Variants in CACNA1E observed in about 807,000 individuals in gnomAD.
The protein encoded by CACNA1E is calcium voltage-gated channel subunit alpha1 E, also known as voltage-dependent R-type calcium channel subunit alpha-1E.
Under a neutral mutation model 259.2 loss-of-function variants are expected in CACNA1E, and 40 were observed. The ratio of observed to expected loss-of-function variants is 0.15; its 90% CI spans 0.12 to 0.20. The LOEUF (loss-of-function observed/expected upper bound fraction) is 0.20. Among genes scored for constraint, CACNA1E ranks in the 10% least tolerant of loss-of-function variants. The pLI is 1.00. For synonymous variants in CACNA1E, 1,104 were observed against 1,138.5 expected, an observed-to-expected ratio of 0.97 and a Z score of 0.61; for missense variants, 1,874 against 3,040.1, an observed-to-expected ratio of 0.62 and a Z score of 9.02.
chr1:181,705,560 C>T (rs1401431348), intron 7 of CACNA1E, among the ~76,000 whole-genome samples: 1 of 152,208 alleles, frequency 6.6e-6, no homozygotes, highest in South Asian at 2.1e-4. Flanking sequence ...CCATGCTTAA[C>T]TCCAATTCAC....
At position 181,806,785 on chromosome 1, in the gene CACNA1E, T is replaced by C. The variant is rs926427992; in HGVS notation, c.*7951T>C. ...ATAAATAAAACCTTGTTGTAAAGAATGCATCGGCCTGATTTCCCTCACTTG... is the reference window on the plus strand; with the variant it reads ...ATAAATAAAACCTTGTTGTAAAGAACGCATCGGCCTGATTTCCCTCACTTG... On this transcript the variant is annotated 3_prime_UTR_variant, in exon 48 of 48. Coordinates refer to ENST00000367573, the MANE Select transcript of CACNA1E (RefSeq NM_001205293.3). 2 of 152,218 alleles carry C rather than the reference T, an allele frequency of 1.3e-5. No homozygotes were observed. The highest frequency in any genetic ancestry group is 2.9e-5 in the Non-Finnish European group (2 of 68,040). The allele number at this position is 152,218 out of a possible 1,614,324, so 9.4% of individuals were successfully genotyped here.
intron 2 of CACNA1E, among the ~76,000 whole-genome samples, chr1:181,422,935 G>C (rs1658864187): frequency 6.6e-6 from 1 of 151,888 alleles, no homozygotes; most frequent in South Asian, 2.1e-4. Context: ...GTCATCCGTT[G>C]GTCTTAGGAA....
intron 1 of CACNA1E, chr1:181,318,243 T>C (rs978996616): frequency 2.6e-5 from 4 of 151,806 alleles, no homozygotes; most frequent in Admixed American, 6.6e-5. Flanking sequence ...CTTCTACGTG[T>C]TGGGGGGATG....
intron 1 of CACNA1E, among the ~76,000 whole-genome samples, chr1:181,396,727 CAG>C (rs1485894468): frequency 1.3e-5 from 2 of 152,166 alleles, no homozygotes; most frequent in East Asian, 3.8e-4. Flanking sequence ...AACATAGAAA[CAG>C]AGATTCCCTC....
In CACNA1E at chr1:181,635,017, C is replaced by T. The variant is rs556176814; in HGVS notation, c.952-16321C>T. Among the ~76,000 whole-genome samples the T allele has an allele frequency of 8.5e-5, 13 of 152,188 alleles. No homozygotes were observed. In the South Asian group the frequency reaches 2.3e-3, roughly 27 times the overall value. On this transcript the variant is annotated intron_variant, in intron 6 of 47. Transcript: ENST00000367573. ...CAGACTTGGTTATGGTATGACCTGG[C>T]GTTCAGAGGACACACCCCAGCACCT...
chr1:181,732,851 G>T lies in CACNA1E; in HGVS notation c.2765G>T (p.Arg922Leu), dbSNP rs199820931. Residue 922 changes from arginine (R) to leucine (L), a missense_variant, in exon 20 of 48, where the codon CGG becomes CTG. Physicochemically the swap from Arg to Leu is moderately radical, Grantham distance 102. This residue lies in a region of CACNA1E where 476 missense variants were observed against 514.0 expected (regional missense o/e 0.93). Transcript: ENST00000367573. This position sits in a 1 kb window ranked among gnomAD's most constrained non-coding sequence, Gnocchi z 5.5. Reference protein sequence around the residue: ...ARHRQSQRRSRHRRVRTEGKE... With the variant: ...ARHRQSQRRSLHRRVRTEGKE... ...CACAGGCAGAGCCAACGGCGCAGCC[G>T]GCATCGCCGCGTCAGGACAGAAGGC... The T allele has an allele frequency of 3.7e-6, 6 of 1,613,834 alleles. No individual in the cohort carries two copies. The South Asian group carries it at 6.6e-5, about 18-fold the overall frequency.
At chr1:181,673,954 GTTA>G (rs1250072647) in intron 7 of CACNA1E, among the ~76,000 whole-genome samples, 1 of 151,992 alleles carries the variant, frequency 6.6e-6, no homozygotes, top group Non-Finnish European at 1.5e-5. Flanking sequence ...CCATGTTCCC[GTTA>G]TTATTGTTCA....
intron 1 of CACNA1E, among the ~76,000 whole-genome samples, chr1:181,397,705 A>G (rs528466912): frequency 1.4e-3 from 218 of 152,324 alleles, no homozygotes; most frequent in Admixed American, 4.2e-3. Flanking sequence ...CTTAGAATCC[A>G]GCTCCAGGAC....
At chr1:181,575,365 T>G (rs2102957195) in intron 3 of CACNA1E, among the ~76,000 whole-genome samples, 2 of 152,316 alleles carry the variant, frequency 1.3e-5, no homozygotes, top group East Asian at 3.9e-4. Flanking sequence ...AAATGCCACC[T>G]TTTTCCTTCC....
intron 2 of CACNA1E, among the ~76,000 whole-genome samples, chr1:181,473,282 C>T (rs1023828513): frequency 2.0e-5 from 3 of 152,148 alleles, no homozygotes; most frequent in Admixed American, 1.3e-4. Flanking sequence ...AGGGTTGGGA[C>T]ATTTTGGATA....
chr1:181,451,160 CAT>C (rs1041364066), intron 2 of CACNA1E, among the ~76,000 whole-genome samples: 6 of 152,134 alleles, frequency 3.9e-5, no homozygotes, highest in Non-Finnish European at 7.3e-5. Flanking sequence ...AGCAGGCACT[CAT>C]ATATTTTCTT....
intron 6 of CACNA1E, among the ~76,000 whole-genome samples, chr1:181,591,040 A>G (rs1235807910): frequency 1.3e-5 from 2 of 152,244 alleles, no homozygotes; most frequent in Non-Finnish European, 2.9e-5. Context: ...TTATGTATTC[A>G]TATATTCTGA....
Position 181,745,309 on chromosome 1 carries a change from A to G in CACNA1E, c.3720-5167A>G, listed in dbSNP as rs768083201. 8.5e-6 allele frequency: 4 copies of G among 468,036 alleles called. No individual in the cohort carries two copies. The Admixed American group carries it at 9.8e-5, about 12-fold the overall frequency. 29.0% of individuals were successfully genotyped at this position (468,036 alleles called of 1,614,324 possible). A position where few individuals can be genotyped will look rare whatever the true frequency, so the allele number is the denominator to read the frequency against. ...TTTGAGACCTTTATCTTATGGAGGC[A>G]ATGGGTGTGAACACCCAAGTATTTT... On this transcript the variant is annotated intron_variant, in intron 25 of 47. Coordinates refer to ENST00000367573, the MANE Select transcript of CACNA1E (RefSeq NM_001205293.3).
chr1:181,690,996 G>T (rs1651095939), intron 7 of CACNA1E, among the ~76,000 whole-genome samples: 1 of 151,862 alleles, frequency 6.6e-6, no homozygotes, highest in South Asian at 2.1e-4. Flanking sequence ...TATATGCATT[G>T]TGCTCACTGC....
intron 15 of CACNA1E, 142 bp downstream of exon 15, chr1:181,720,997 C>A: frequency 1.6e-6 from 1 of 633,496 alleles, no homozygotes; most frequent in East Asian, 2.7e-5. Flanking sequence ...TCTAGTTGAG[C>A]GGTCATTACT....
At chr1:181,582,478 A>G (rs1469389759) in intron 6 of CACNA1E, among the ~76,000 whole-genome samples, 2 of 152,220 alleles carry the variant, frequency 1.3e-5, no homozygotes, top group Non-Finnish European at 2.9e-5. Context: ...CATTTCAATT[A>G]TATGTGTAGA....
At chr1:181,388,344 A>G (rs1437117256) in intron 1 of CACNA1E, among the ~76,000 whole-genome samples, 1 of 152,256 alleles carries the variant, frequency 6.6e-6, no homozygotes, top group Non-Finnish European at 1.5e-5. Flanking sequence ...GTCATGTGTC[A>G]GTTAATGACA....
chr1:181,350,482 G>A (rs895420910), intron 1 of CACNA1E, among the ~76,000 whole-genome samples: 41 of 152,136 alleles, frequency 2.7e-4, no homozygotes, highest in Non-Finnish European at 4.9e-4. Flanking sequence ...ACCAAGGGTG[G>A]GAGACTTGGG....
chr1:181,453,183 A>G (rs534009913), intron 2 of CACNA1E, among the ~76,000 whole-genome samples: 1 of 152,232 alleles, frequency 6.6e-6, no homozygotes, highest in Non-Finnish European at 1.5e-5. Context: ...GTTTGCCTGG[A>G]TGTATCCAGT....
Sources: allele counts gnomAD v4.1 joint callset (sites outside exome capture counted in the v4.1 genomes callset), GRCh38; gene constraint gnomAD v4.1.1; regional missense constraint gnomAD v4.1.1; non-coding constraint Gnocchi (gnomAD v3.1); transcripts MANE v1.5; gene names NCBI Gene and HGNC (gene_info 2026-07-23, HGNC 2026-07-21).